Variants in MRPL46 observed in about 807,000 individuals in gnomAD.
MRPL46 encodes the protein large ribosomal subunit protein mL46.
A neutral mutation model predicts 31.0 loss-of-function variants in MRPL46; 26 were observed. The ratio of observed to expected loss-of-function variants is 0.84; its 90% CI spans 0.61 to 1.16. The LOEUF is 1.16. Among genes scored for constraint, MRPL46 ranks in the 50% most tolerant of loss-of-function variants. The probability of loss-of-function intolerance (pLI) is 0.00; values close to 1 mark genes in which losing one functional copy is unlikely to be tolerated. For missense variants in MRPL46, 395 were observed against 340.0 expected (o/e 1.16, Z -1.27); for synonymous variants, 159 against 141.3 (o/e 1.13, Z -0.89).
At position 88,465,489 on chromosome 15, in the gene MRPL46, T is replaced by C. The variant is rs993378783; in HGVS notation, c.415+98A>G. The stretch of plus-strand genomic sequence containing the variant: ...AAGAAAAGAATATGAAATTATTTGT[T>C]ACTTAAAACACAAAGCAGGGGCCAA... On this transcript the variant is annotated intron_variant, in intron 2 of 3. Coordinates refer to ENST00000312475, the MANE Select transcript of MRPL46 (RefSeq NM_022163.4). 3 of 1,223,920 alleles carry C rather than the reference T, an allele frequency of 2.5e-6. No homozygotes were observed. In the Admixed American group the frequency reaches 8.0e-5, roughly 33 times the overall value. 75.8% of individuals were successfully genotyped at this position (1,223,920 alleles called of 1,614,324 possible).
At chr15:88,465,110 A>C in intron 2 of MRPL46, 1 of 448,212 alleles carries the variant, frequency 2.2e-6, no homozygotes, top group South Asian at 5.6e-5. Flanking sequence ...ACAGCAAACC[A>C]TATTTTGAGT....
intron 2 of MRPL46, 93 bp from the exon 3 acceptor site, chr15:88,464,969 TC>T: frequency 1.4e-6 from 2 of 1,442,434 alleles, no homozygotes; most frequent in Non-Finnish European, 1.9e-6. Flanking sequence ...AGATCCACAA[TC>T]CTTGCCCTCA....
Position 88,467,165 on chromosome 15 carries a change from C to G in MRPL46, c.213G>C (p.Ala71=), listed in dbSNP as rs1420323120. Residue 71 remains alanine, a synonymous_variant, in exon 1 of 4, where the codon GCG becomes GCC. Transcript: ENST00000312475. ...KPLTPLQEEM[A]SLLQQIEIER... The stretch of plus-strand genomic sequence containing the variant: ...TCAGTCCCACCTGCTGCAGTAGAGA[C>G]GCCATCTCTTCCTGCAATGGGGTCA... The G allele has an allele frequency of 6.2e-7, 1 of 1,614,002 alleles. No homozygotes were observed. The highest frequency in any genetic ancestry group is 2.2e-5 in the East Asian group (1 of 44,876).
Position 88,463,587 on chromosome 15 carries a change from A to T in MRPL46, c.589+1116T>A, listed in dbSNP as rs2055495991. The stretch of plus-strand genomic sequence containing the variant: ...ACCAGTGCTACGGGAGCCTAGAGAG[A>T]GGAGTAGCTCTGTCTTCCTGAAGGC... On this transcript the variant is annotated intron_variant, in intron 3 of 3. Transcript: ENST00000312475. The surrounding 1 kb of genome is among the most constrained non-coding windows in gnomAD (Gnocchi z 5.4). 1 of 152,170 alleles carries T rather than the reference A, an allele frequency of 6.6e-6. No individual in the cohort carries two copies. Among genetic ancestry groups the T allele is most frequent in the Non-Finnish European group, 1.5e-5 (1 of 68,026 alleles). The allele number at this position is 152,170 out of a possible 1,614,324, so 9.4% of individuals were successfully genotyped here.
chr15:88,464,611 C>CCCCCAAAAAACAAAA, intron 3 of MRPL46, 92 bp downstream of exon 3: 1 of 1,095,842 alleles, frequency 9.1e-7, no homozygotes, highest in Non-Finnish European at 1.3e-6. Context: ...TTCCCACCCC[C>CCCCCAAAAAACAAAA]ACCCTTAATC....
rs140277766 is a variant in MRPL46 at position 88,459,789 on chromosome 15, G to C, written c.664C>G (p.Arg222Gly). Residue 222 changes from arginine to glycine, a missense_variant, in exon 4 of 4, where the codon CGG becomes GGG. Physicochemically the swap from Arg to Gly is moderately radical, Grantham distance 125. Coordinates refer to ENST00000312475, the MANE Select transcript of MRPL46 (RefSeq NM_022163.4). The part of the protein sequence containing the change: ...HYTFKFPQAM[R>G]TESNLGAKVF... Reference sequence around the variant, plus strand: ...TTGGCTCCGAGGTTACTCTCTGTCCGCATTGCCTGGGGGAACTTGAATGTG... The same window carrying C: ...TTGGCTCCGAGGTTACTCTCTGTCCCCATTGCCTGGGGGAACTTGAATGTG... 1.9e-6 allele frequency: 3 copies of C among 1,614,196 alleles called. No individual in the cohort carries two copies. Among genetic ancestry groups the C allele is most frequent in the Non-Finnish European group, 2.5e-6 (3 of 1,180,044 alleles).
rs775987887 is a variant in MRPL46, at chr15:88,464,902, TAAG to T, written c.416-29_416-27del. ...CTACAGCAAAGGGGGTCAGAGGAGG[TAAG>T]AAGACTGTGATCTGCCAGAACCAAG... On this transcript the variant is annotated intron_variant, in intron 2 of 3. Transcript: ENST00000312475. 13 of 1,600,920 alleles carry T rather than the reference TAAG, an allele frequency of 8.1e-6. No homozygotes were observed. The South Asian group carries it at 1.5e-4, about 18-fold the overall frequency.
chr15:88,465,052 A>C, intron 2 of MRPL46, 176 bp from the exon 3 acceptor site: 2 of 567,460 alleles, frequency 3.5e-6, no homozygotes, highest in Non-Finnish European at 5.7e-6. Context: ...GAGTCTCACA[A>C]TCTTGAGGAA....
At chr15:88,464,615 C>CAAAAAACAA in intron 3 of MRPL46, 88 bp downstream of exon 3, 1 of 1,223,820 alleles carries the variant, frequency 8.2e-7, no homozygotes, top group Non-Finnish European at 1.1e-6. Flanking sequence ...CACCCCCACC[C>CAAAAAACAA]TTAATCCAAT....
rs563062605 is a variant in MRPL46, at chr15:88,459,928, C to A, written c.590-65G>T. The A allele has an allele frequency of 3.8e-6, 6 of 1,584,058 alleles. No individual in the cohort carries two copies. The South Asian group carries it at 5.7e-5, about 15-fold the overall frequency. ...GGATACAGCCATCTGTTTACTCTGG[C>A]TCCCAAAATTATAGGGGGTCCCTGC... On this transcript the variant is annotated intron_variant, in intron 3 of 3. Coordinates refer to ENST00000312475, the MANE Select transcript of MRPL46 (RefSeq NM_022163.4).
chr15:88,467,326 G>GCCGCCAACCCC lies in MRPL46; in HGVS notation c.41_51dup (p.Arg18GlyfsTer14). ...CTGCCGGCCCAGAGCCTCTCGAACC[G>GCCGCCAACCCC]CCGCCAACCCCCCGCCACCCCTAAC... On this transcript the variant is annotated frameshift_variant, in exon 1 of 4. Transcript: ENST00000312475. LOFTEE classifies it high-confidence loss of function. 6.2e-7 allele frequency: 1 copy of GCCGCCAACCCC among 1,606,358 alleles called. No homozygotes were observed. The highest frequency in any genetic ancestry group is 8.5e-7 in the Non-Finnish European group (1 of 1,176,538).
intron 3 of MRPL46, chr15:88,461,490 A>G: frequency 6.6e-6 from 1 of 152,248 alleles, no homozygotes; most frequent in East Asian, 1.9e-4. Context: ...TCACTGGCCC[A>G]TAAATACATT....
At chr15:88,464,031 CTG>C (rs2055499703) in intron 3 of MRPL46, 1 of 152,216 alleles carries the variant, frequency 6.6e-6, no homozygotes, top group East Asian at 1.9e-4. Context: ...TTCTCAACCA[CTG>C]TAATTTGCTC....
At position 88,467,258 on chromosome 15, in the gene MRPL46, G is replaced by T. The variant is rs916728715; in HGVS notation, c.120C>A (p.Ser40Arg). 2 of 1,613,934 alleles carry T rather than the reference G, an allele frequency of 1.2e-6. No individual in the cohort carries two copies. Among genetic ancestry groups the T allele is most frequent in the African/African-American group, 2.7e-5 (2 of 74,946 alleles). The change falls in exon 1 of 4, where the codon AGC becomes AGA. Residue 40 changes from serine to arginine, a missense_variant. Physicochemically the swap from Ser to Arg is moderately radical, Grantham distance 110. Coordinates refer to ENST00000312475, the MANE Select transcript of MRPL46 (RefSeq NM_022163.4). The part of the protein sequence containing the change: ...RSLALAAAPS[S>R]NGSPWRLLGA... ...CCAACAAGCGCCATGGGGATCCGTT[G>T]CTTGAGGGTGCGGCTGCAAGAGCCA...
Position 88,459,577 on chromosome 15 carries a change from A to C in MRPL46, c.*36T>G. On this transcript the variant is annotated 3_prime_UTR_variant, in exon 4 of 4. Transcript: ENST00000312475. ...AATGTCCTTGAGGCTCTAATCCCAG[A>C]CTTGTCTGAGCACCGTCCACAGGCA... The C allele has an allele frequency of 6.2e-7, 1 of 1,611,908 alleles. No individual in the cohort carries two copies.
In MRPL46 at chr15:88,467,139, C is replaced by T; in HGVS notation, c.228+11G>A. On this transcript the variant is annotated intron_variant, in intron 1 of 3. Coordinates refer to ENST00000312475, the MANE Select transcript of MRPL46 (RefSeq NM_022163.4). ...ATAAACGTCACTCTGAACCCTGCATCTCAGTCCCACCTGCTGCAGTAGAGA... is the reference window on the plus strand; with the variant it reads ...ATAAACGTCACTCTGAACCCTGCATTTCAGTCCCACCTGCTGCAGTAGAGA... 1.2e-6 allele frequency: 2 copies of T among 1,612,438 alleles called. No homozygotes were observed. The highest frequency in any genetic ancestry group is 1.7e-6 in the Non-Finnish European group (2 of 1,178,620).
chr15:88,466,920 T>C (rs1214154742), intron 1 of MRPL46, among the ~76,000 whole-genome samples: 1 of 152,228 alleles, frequency 6.6e-6, no homozygotes, highest in East Asian at 1.9e-4. Context: ...ATCCCTATTG[T>C]GTTGCATGAA....
At chr15:88,465,872 A>G (rs3809584) in intron 1 of MRPL46, 99 bp from the exon 2 acceptor site, 40,356 of 1,155,126 alleles carry the variant, frequency 0.035, 4,375 homozygotes, top group African/African-American at 0.34. Flanking sequence ...ACACTTGGCA[A>G]GCTCAGAAGT....
intron 1 of MRPL46, among the ~76,000 whole-genome samples, chr15:88,466,760 G>A (rs987522036): frequency 3.9e-5 from 6 of 152,166 alleles, no homozygotes; most frequent in African/African-American, 4.8e-5. Context: ...AGCCCCATGA[G>A]ATAAAACAGA....
Sources: gnomAD v4.1 joint callset for allele counts (sites outside exome capture counted in the v4.1 genomes callset) on GRCh38, gnomAD v4.1.1 for gene constraint, Gnocchi (gnomAD v3.1) non-coding constraint, MANE v1.5 for transcripts, NCBI Gene and HGNC (gene_info 2026-07-23, HGNC 2026-07-21) for gene names.